AUTS2: variants seen among roughly 807,000 people sequenced by gnomAD.
AUTS2 encodes autism susceptibility gene 2 protein.
A neutral mutation model predicts 112.4 loss-of-function variants in AUTS2; 17 were observed. That is an observed-to-expected ratio of 0.15 (90% CI 0.10 to 0.23). The LOEUF (loss-of-function observed/expected upper bound fraction) is 0.23. Among genes scored for constraint, AUTS2 ranks in the 10% least tolerant of loss-of-function variants. The pLI, the probability that AUTS2 is intolerant of heterozygous loss-of-function variation, is 1.00. For missense variants in AUTS2, 1,510 were observed against 1,701.6 expected (o/e 0.89, Z 1.98); for synonymous variants, 751 against 702.7 (o/e 1.07, Z -1.09).
chr7:70,436,810 T>G (rs1371552013), intron 5 of AUTS2: 2 of 152,254 alleles, frequency 1.3e-5, no homozygotes, highest in Non-Finnish European at 2.9e-5. Flanking sequence ...AAGGCTCTTG[T>G]TCTGTACTGT....
chr7:70,470,935 G>A (rs190658108), intron 5 of AUTS2, among the ~76,000 whole-genome samples: 6 of 152,086 alleles, frequency 3.9e-5, no homozygotes, highest in Non-Finnish European at 7.4e-5. Context: ...ATATCTTTAC[G>A]GGGAATCATT....
intron 4 of AUTS2, among the ~76,000 whole-genome samples, chr7:70,216,886 G>A (rs1468441741): frequency 6.6e-6 from 1 of 152,094 alleles, no homozygotes; most frequent in Non-Finnish European, 1.5e-5. Context: ...CAACCACTGC[G>A]AACATTGGTT....
intron 4 of AUTS2, among the ~76,000 whole-genome samples, chr7:70,281,388 C>A (rs1272750575): frequency 6.6e-6 from 1 of 152,218 alleles, no homozygotes; most frequent in Non-Finnish European, 1.5e-5. Context: ...GGATCCCACC[C>A]ATTCCACAGC....
intron 5 of AUTS2, among the ~76,000 whole-genome samples, chr7:70,615,140 C>T (rs780788914): frequency 2.0e-5 from 3 of 152,120 alleles, no homozygotes; most frequent in Non-Finnish European, 4.4e-5. Flanking sequence ...GGCTCTAGGT[C>T]GGTGACATCA....
At chr7:69,618,901 T>C (rs1235741148) in intron 1 of AUTS2, among the ~76,000 whole-genome samples, 1 of 152,114 alleles carries the variant, frequency 6.6e-6, no homozygotes, top group Non-Finnish European at 1.5e-5. Flanking sequence ...ACCCTGGGGA[T>C]ACCCTGGGGA....
In AUTS2 at chr7:70,366,982, G is replaced by C. The variant is rs79365613; in HGVS notation, c.661-68770G>C. ...TTTGGGTCCTGAAGATAAAGGTTAG[G>C]ATTAGAAATACTGATTTATGGGCTG... is the stretch of plus-strand genomic sequence containing the variant. On this transcript the variant is annotated intron_variant, in intron 4 of 18. Transcript: ENST00000342771. 2.6e-3 allele frequency among the ~76,000 whole-genome samples: 389 copies of C among 152,216 alleles called. 1 individual carries two copies. The highest frequency in any genetic ancestry group is 8.8e-3 in the African/African-American group (364 of 41,540).
intron 8 of AUTS2, among the ~76,000 whole-genome samples, 171 bp from the exon 9 acceptor site, chr7:70,765,943 C>T (rs889663821): frequency 2.0e-5 from 3 of 152,076 alleles, no homozygotes; most frequent in South Asian, 2.1e-4. Flanking sequence ...AGGGTGCGAC[C>T]GGGCCTTGGT....
chr7:70,758,406 C>T (rs181655622), intron 6 of AUTS2, among the ~76,000 whole-genome samples: 134 of 152,062 alleles, frequency 8.8e-4, no homozygotes, highest in African/African-American at 3.1e-3. Context: ...TAGTAAAGTA[C>T]AAAAAAAGGG....
In AUTS2 at chr7:70,366,455, T is replaced by C. The variant is rs1792574674; in HGVS notation, c.661-69297T>C. Among the ~76,000 whole-genome samples, 4 of 152,142 alleles carry C rather than the reference T, an allele frequency of 2.6e-5. No homozygotes were observed. In the South Asian group the frequency reaches 8.3e-4, roughly 32 times the overall value. ...AGCAAAGCAGGTGAAGGCTGTGGTA[T>C]GTTTGTGGAAGTAGGTAGCCCTACT... is the stretch of plus-strand genomic sequence containing the variant. On this transcript the variant is annotated intron_variant, in intron 4 of 18. Coordinates refer to ENST00000342771, the MANE Select transcript of AUTS2 (RefSeq NM_015570.4).
intron 2 of AUTS2, among the ~76,000 whole-genome samples, chr7:70,045,673 A>G (rs1027487155): frequency 1.3e-5 from 2 of 151,566 alleles, no homozygotes; most frequent in Non-Finnish European, 2.9e-5. Flanking sequence ...CAGTGGTGCA[A>G]TCTCGGCTCA....
At chr7:69,920,892 T>A (rs1347322204) in intron 2 of AUTS2, among the ~76,000 whole-genome samples, 1 of 152,232 alleles carries the variant, frequency 6.6e-6, no homozygotes, top group Non-Finnish European at 1.5e-5. Flanking sequence ...GGTTAATTAC[T>A]TTGGGACAGT....
intron 2 of AUTS2, among the ~76,000 whole-genome samples, chr7:70,045,745 A>C (rs990844410): frequency 6.3e-5 from 9 of 143,776 alleles, no homozygotes; most frequent in African/African-American, 2.3e-4. Context: ...AGTAGCTGGG[A>C]TTACAGGCGC....
At chr7:70,547,217 T>C (rs1357713366) in intron 5 of AUTS2, among the ~76,000 whole-genome samples, 2 of 152,106 alleles carry the variant, frequency 1.3e-5, no homozygotes, top group Non-Finnish European at 2.9e-5. Flanking sequence ...TAGATGTGCT[T>C]TTTCTGGACA....
chr7:69,742,995 G>T (rs1422271490), intron 1 of AUTS2, among the ~76,000 whole-genome samples: 1 of 152,172 alleles, frequency 6.6e-6, no homozygotes, highest in African/African-American at 2.4e-5. Context: ...CTCTACTGAT[G>T]GGGAAGGCCT....
At position 69,658,811 on chromosome 7, in the gene AUTS2, A is replaced by G. The variant is rs376017400; in HGVS notation, c.309+58849A>G. ...ACCAGGGAAATTCATTTAAAAAAAT[A>G]ATAAATATGTGGTTTAAAAAGTAAA... is the stretch of plus-strand genomic sequence containing the variant. On this transcript the variant is annotated intron_variant, in intron 1 of 18. Transcript: ENST00000342771. Among the ~76,000 whole-genome samples the G allele has an allele frequency of 2.1e-4, 32 of 152,360 alleles. 1 individual carries two copies. In the South Asian group the frequency reaches 6.4e-3, roughly 31 times the overall value.
intron 1 of AUTS2, among the ~76,000 whole-genome samples, chr7:69,809,275 T>C (rs1419347816): frequency 3.3e-5 from 5 of 151,708 alleles, no homozygotes; most frequent in African/African-American, 1.2e-4. Flanking sequence ...AGACGGGGTT[T>C]CACTGTGTTA....
At chr7:70,288,391 G>A (rs1440807590) in intron 4 of AUTS2, among the ~76,000 whole-genome samples, 3 of 152,130 alleles carry the variant, frequency 2.0e-5, no homozygotes, top group Non-Finnish European at 4.4e-5. Context: ...GACAGAGCAA[G>A]ACTCCGTCTC....
At chr7:70,068,203 G>C (rs1424135239) in intron 2 of AUTS2, among the ~76,000 whole-genome samples, 1 of 149,714 alleles carries the variant, frequency 6.7e-6, no homozygotes, top group Non-Finnish European at 1.5e-5. Flanking sequence ...GAGAGAGATG[G>C]AGTCTTGCTT....
chr7:70,463,505 T>A (rs17141666), intron 5 of AUTS2, among the ~76,000 whole-genome samples: 6,343 of 152,178 alleles, frequency 0.042, 221 homozygotes, highest in African/African-American at 0.096. Context: ...TTCCAGGGAG[T>A]TGATCAAGGA....
Sources: gnomAD v4.1 joint callset for allele counts (sites outside exome capture counted in the v4.1 genomes callset) on GRCh38, gnomAD v4.1.1 for gene constraint, MANE v1.5 for transcripts, NCBI Gene and HGNC (gene_info 2026-07-23, HGNC 2026-07-21) for gene names.